The following SEMA3A variants were observed in gnomAD, a reference collection of about 807,000 sequenced individuals.
SEMA3A encodes semaphorin 3A, also known as semaphorin-3A.
A neutral mutation model predicts 97.9 loss-of-function variants in SEMA3A; 29 were observed. The observed-to-expected ratio is 0.30, with a 90% CI of 0.22 to 0.40. The LOEUF (loss-of-function observed/expected upper bound fraction) is 0.40. SEMA3A is among the 10% of genes least tolerant of loss of function. The pLI is 1.00. For synonymous variants in SEMA3A, 321 were observed against 323.7 expected (o/e 0.99, Z 0.09); for missense variants, 763 against 951.3 (o/e 0.80, Z 2.60).
At chr7:84,241,389 C>T (rs187758297) in intron 3 of SEMA3A, among the ~76,000 whole-genome samples, 90 of 152,074 alleles carry the variant, frequency 5.9e-4, no homozygotes, top group South Asian at 6.2e-4. Flanking sequence ...GTTTATTGAC[C>T]GCATAAATGT....
intron 2 of SEMA3A, among the ~76,000 whole-genome samples, chr7:84,333,308 A>G (rs946757393): frequency 1.3e-5 from 2 of 152,122 alleles, no homozygotes; most frequent in African/African-American, 2.4e-5. Context: ...CACAAGGAAG[A>G]AAGTATCCTC....
At chr7:84,460,164 G>A (rs1805791301) in intron 1 of SEMA3A, among the ~76,000 whole-genome samples, 1 of 152,090 alleles carries the variant, frequency 6.6e-6, no homozygotes, top group Admixed American at 6.5e-5. Flanking sequence ...TCTTGGTGTA[G>A]AATGTTTTAA....
chr7:84,267,910 A>G (rs1357978588), intron 3 of SEMA3A, among the ~76,000 whole-genome samples: 1 of 152,122 alleles, frequency 6.6e-6, no homozygotes, highest in Non-Finnish European at 1.5e-5. Flanking sequence ...ATTTCTTATG[A>G]TTAACAGCCA....
At chr7:84,484,834 A>C (rs1806534603) in intron 1 of SEMA3A, among the ~76,000 whole-genome samples, 1 of 152,190 alleles carries the variant, frequency 6.6e-6, no homozygotes, top group Non-Finnish European at 1.5e-5. Flanking sequence ...CTTAAGGATC[A>C]TAATATATTG....
intron 6 of SEMA3A, among the ~76,000 whole-genome samples, chr7:84,015,926 G>A (rs994746317): frequency 6.6e-6 from 1 of 152,104 alleles, no homozygotes; most frequent in East Asian, 1.9e-4. Flanking sequence ...ACAAGAGTAG[G>A]AGAATAATAG....
At chr7:84,181,319 A>AT (rs1797730014) in intron 1 of SEMA3A, among the ~76,000 whole-genome samples, 4 of 144,746 alleles carry the variant, frequency 2.8e-5, no homozygotes, top group African/African-American at 1.0e-4. Flanking sequence ...TAATGTTACA[A>AT]ATATATATAT....
chr7:84,309,141 G>A (rs1011144651), intron 2 of SEMA3A, among the ~76,000 whole-genome samples: 3 of 152,034 alleles, frequency 2.0e-5, no homozygotes, highest in African/African-American at 4.8e-5. Flanking sequence ...TTTAAAAGCC[G>A]GTGTGTGATG....
At chr7:84,111,651 C>T (rs1268392198) in intron 3 of SEMA3A, among the ~76,000 whole-genome samples, 3 of 151,978 alleles carry the variant, frequency 2.0e-5, no homozygotes, top group South Asian at 2.1e-4. Context: ...AAATAAAATG[C>T]GAAAGTTTCT....
At position 84,454,398 on chromosome 7, in the gene SEMA3A, T is replaced by C. The variant is rs17159042; in HGVS notation, c.-246+38062A>G. On this transcript the variant is annotated intron_variant, in intron 1 of 3. Coordinates refer to the SEMA3A transcript ENST00000424555. ...ATTAAGGTAACAGCTTAGTTACTTTTTCCATGCACTTTCTTTCCACCTGTG... is the reference window on the plus strand; with the variant it reads ...ATTAAGGTAACAGCTTAGTTACTTTCTCCATGCACTTTCTTTCCACCTGTG... Among the ~76,000 whole-genome samples, 2,051 of 152,282 alleles carry C rather than the reference T, an allele frequency of 0.013. 91 individuals are homozygous for C. The East Asian group carries it at 0.16, about 12-fold the overall frequency.
chr7:84,056,164 TC>T (rs1792967030), intron 5 of SEMA3A, among the ~76,000 whole-genome samples: 1 of 152,236 alleles, frequency 6.6e-6, no homozygotes, highest in African/African-American at 2.4e-5. Flanking sequence ...GACCATTCTT[TC>T]TTAACTGGAA....
intron 1 of SEMA3A, among the ~76,000 whole-genome samples, chr7:84,430,786 A>C (rs2116318026): frequency 7.6e-6 from 1 of 132,012 alleles, no homozygotes; most frequent in Middle Eastern, 3.7e-3. Flanking sequence ...CACAACATAA[A>C]ATTTGTGTGT....
chr7:84,432,209 A>G (rs1366238294), intron 1 of SEMA3A, among the ~76,000 whole-genome samples: 2 of 152,162 alleles, frequency 1.3e-5, no homozygotes, highest in Non-Finnish European at 2.9e-5. Flanking sequence ...GTTTTAATGT[A>G]GAAGTGACAG....
chr7:84,400,821 A>C (rs1192979507), intron 1 of SEMA3A, among the ~76,000 whole-genome samples: 7 of 152,214 alleles, frequency 4.6e-5, no homozygotes, highest in Non-Finnish European at 1.0e-4. Context: ...AACATTCAAC[A>C]TCCTTTCATG....
intron 1 of SEMA3A, among the ~76,000 whole-genome samples, chr7:84,154,685 A>G (rs1796784291): frequency 6.9e-6 from 1 of 145,318 alleles, no homozygotes; most frequent in African/African-American, 2.7e-5. Context: ...CAGGGAAAAA[A>G]AAAAACAAAA....
At chr7:84,089,654 A>G (rs1273918131) in intron 4 of SEMA3A, among the ~76,000 whole-genome samples, 2 of 152,094 alleles carry the variant, frequency 1.3e-5, no homozygotes, top group Non-Finnish European at 2.9e-5. Flanking sequence ...GTATTTGGAT[A>G]GTAAATCATT....
At chr7:84,185,498 A>G (rs2116250012) in intron 1 of SEMA3A, among the ~76,000 whole-genome samples, 1 of 151,510 alleles carries the variant, frequency 6.6e-6, no homozygotes, top group African/African-American at 2.4e-5. Flanking sequence ...ATAGTGAAAC[A>G]CCATCTCTAC....
intron 2 of SEMA3A, among the ~76,000 whole-genome samples, chr7:84,313,940 TC>T (rs1373368248): frequency 3.3e-5 from 5 of 152,066 alleles, no homozygotes; most frequent in African/African-American, 1.2e-4. Context: ...GGTATTTTTT[TC>T]TTCTTCAGTT....
At chr7:84,408,483 G>A (rs1804168638) in intron 1 of SEMA3A, among the ~76,000 whole-genome samples, 1 of 151,894 alleles carries the variant, frequency 6.6e-6, no homozygotes, top group African/African-American at 2.4e-5. Flanking sequence ...AAGTCAGTGT[G>A]GCGATTCCTC....
intron 5 of SEMA3A, among the ~76,000 whole-genome samples, chr7:84,049,780 T>C (rs1792526569): frequency 6.6e-6 from 1 of 151,418 alleles, no homozygotes; most frequent in Non-Finnish European, 1.5e-5. Context: ...TAGTTACATA[T>C]GTATACATGT....
Sources: gnomAD v4.1 joint callset for allele counts (sites outside exome capture counted in the v4.1 genomes callset) on GRCh38, gnomAD v4.1.1 for gene constraint, MANE v1.5 for transcripts, NCBI Gene and HGNC (gene_info 2026-07-23, HGNC 2026-07-21) for gene names.